ZNF142: variants seen among roughly 807,000 people sequenced by gnomAD.
ZNF142 encodes the protein zinc finger protein 142 (clone pHZ-49).
In ZNF142, 96 loss-of-function variants were observed where a neutral mutation model predicts 132.1. The observed-to-expected ratio is 0.73, with a 90% CI of 0.62 to 0.86. The LOEUF (loss-of-function observed/expected upper bound fraction) is 0.86, where lower values mean the gene tolerates loss of function less well. ZNF142 is among the 40% of genes least tolerant of loss of function. The pLI is 0.00. For synonymous variants in ZNF142, 842 were observed against 890.1 expected, an observed-to-expected ratio of 0.95 and a Z score of 0.96; for missense variants, 2,163 against 2,336.2, an observed-to-expected ratio of 0.93 and a Z score of 1.53.
chr2:218,656,421 G>A lies in ZNF142; in HGVS notation c.9C>T (p.Asp3=). 7.0e-7 allele frequency: 1 copy of A among 1,425,086 alleles called. No homozygotes were observed. Among genetic ancestry groups the A allele is most frequent in the Non-Finnish European group, 9.3e-7 (1 of 1,079,874 alleles). 88.3% of individuals were successfully genotyped at this position (1,425,086 alleles called of 1,614,324 possible). A position where few individuals can be genotyped will look rare whatever the true frequency, so the allele number is the denominator to read the frequency against. The change falls in exon 4 of 11, where the codon GAC becomes GAT. Residue 3 remains aspartate (D), a synonymous_variant. Coordinates refer to ENST00000411696, the MANE Select transcript of ZNF142 (RefSeq NM_001379659.1). ...TGGCTGGCTGTGAGTCCAAAAGGGG[G>A]TCTGTCATCACCACCGACTTGTGTG... MT[D]PLLDSQPASS...
chr2:218,658,120 A>T (rs1268374771), intron 3 of ZNF142, among the ~76,000 whole-genome samples: 1 of 152,266 alleles, frequency 6.6e-6, no homozygotes, highest in Non-Finnish European at 1.5e-5. Context: ...AATGAATGAC[A>T]ATTGAATTGC....
chr2:218,649,490 G>C, intron 6 of ZNF142, 31 bp from the exon 7 acceptor site: 1 of 1,505,460 alleles, frequency 6.6e-7, no homozygotes, highest in Non-Finnish European at 8.9e-7. Context: ...AGTTGAGAGA[G>C]TGAGATTTTT....
chr2:218,636,031 C>G lies in ZNF142; in HGVS notation c.*2308G>C. 6.4e-7 allele frequency: 1 copy of G among 1,551,498 alleles called. No homozygotes were observed. The highest frequency in any genetic ancestry group is 8.8e-7 in the Non-Finnish European group (1 of 1,135,942). On this transcript the variant is annotated 3_prime_UTR_variant, in exon 11 of 11. Transcript: ENST00000411696. ...GTATAGCATCTGTTATTGCATGTCC[C>G]CACATGGGAGGCAGTGTGGAACAGT... is the stretch of plus-strand genomic sequence containing the variant.
intron 9 of ZNF142, among the ~76,000 whole-genome samples, 192 bp downstream of exon 9, chr2:218,641,836 T>A (rs1193960779): frequency 6.6e-6 from 1 of 152,220 alleles, no homozygotes; most frequent in African/African-American, 2.4e-5. Context: ...ATTATGGAAC[T>A]TTATCTTTAC....
chr2:218,643,649 A>T lies in ZNF142; in HGVS notation c.3467T>A (p.Leu1156His), dbSNP rs3770213. 0.36 allele frequency: 550,382 copies of T among 1,548,072 alleles called. 104,466 individuals carry two copies. Among genetic ancestry groups the T allele is most frequent in the Non-Finnish European group, 0.39 (449,208 of 1,150,750 alleles). ...GACTGGGGAACCAGAGACTGTGGCA[A>T]GAGGCTCTTCTGTTTCTTCTGGCTC... is the stretch of plus-strand genomic sequence containing the variant. ...PREPEETEEPLATVSGSPVPP... is the reference protein window; with the variant it reads ...PREPEETEEPHATVSGSPVPP... Residue 1156 changes from leucine to histidine, a missense_variant, in exon 9 of 11, where the codon CTT (leucine) becomes CAT (histidine). This residue lies in a region of ZNF142 where 809 missense variants were observed against 801.7 expected (regional missense o/e 1.01). Coordinates refer to ENST00000411696, the MANE Select transcript of ZNF142 (RefSeq NM_001379659.1).
At chr2:218,656,518 C>T in intron 3 of ZNF142, 55 bp from the exon 4 acceptor site, 1 of 1,360,988 alleles carries the variant, frequency 7.3e-7, no homozygotes, top group South Asian at 2.1e-5. Flanking sequence ...TACTTTCTTC[C>T]TGGCTGGCGT....
chr2:218,635,923 A>G lies in ZNF142; in HGVS notation c.*2416T>C. On this transcript the variant is annotated 3_prime_UTR_variant, in exon 11 of 11. Transcript: ENST00000411696. The stretch of plus-strand genomic sequence containing the variant: ...GCACGGCAGGAGACCAACTATGTGG[A>G]GAACAATGGTGAGAAACTGGCAGTG... 1 of 1,614,040 alleles carries G rather than the reference A, an allele frequency of 6.2e-7. No individual in the cohort carries two copies. Among genetic ancestry groups the G allele is most frequent in the East Asian group, 2.2e-5 (1 of 44,886 alleles).
At position 218,635,638 on chromosome 2, in the gene ZNF142, G is replaced by A. The variant is rs1157907658; in HGVS notation, c.*2701C>T. 6.6e-6 allele frequency among the ~76,000 whole-genome samples: 1 copy of A among 152,108 alleles called. No homozygotes were observed. Among genetic ancestry groups the A allele is most frequent in the East Asian group, 1.9e-4 (1 of 5,184 alleles). On this transcript the variant is annotated 3_prime_UTR_variant, in exon 11 of 11. Coordinates refer to ENST00000411696, the MANE Select transcript of ZNF142 (RefSeq NM_001379659.1). ...GTGAGCCACCGTGCCCGGCCTTTGG[G>A]TGCATTTTAAATTGCAGATAGAATA...
In ZNF142 at chr2:218,648,663, C is replaced by T; in HGVS notation, c.1845G>A (p.Val615=). 1 of 1,614,034 alleles carries T rather than the reference C, an allele frequency of 6.2e-7. No homozygotes were observed. The highest frequency in any genetic ancestry group is 8.5e-7 in the Non-Finnish European group (1 of 1,179,862). ...ECNFATAHKR[V]LIRHMLLHTG... The stretch of plus-strand genomic sequence containing the variant: ...TATGTAGAAGCATGTGTCGGATGAG[C>T]ACCCTCTTGTGGGCAGTGGCAAAGT... Residue 615 remains valine, a synonymous_variant, in exon 7 of 11, where the codon GTG becomes GTA. Transcript: ENST00000411696.
In ZNF142 at chr2:218,643,240, A is replaced by G; in HGVS notation, c.3876T>C (p.Asp1292=). 1.1e-5 allele frequency: 17 copies of G among 1,614,200 alleles called. No homozygotes were observed. Among genetic ancestry groups the G allele is most frequent in the Non-Finnish European group, 1.4e-5 (17 of 1,180,038 alleles). Residue 1292 remains aspartate, a synonymous_variant, in exon 9 of 11, where the codon GAT becomes GAC. Coordinates refer to ENST00000411696, the MANE Select transcript of ZNF142 (RefSeq NM_001379659.1). ...GSTESSSGDG[D]TVLVQKQKGA... ...CCTTCTGCTTTTGAACCAGAACTGT[A>G]TCCCCATCACCAGAGCTGGACTCTG...
chr2:218,642,493 G>T lies in ZNF142; in HGVS notation c.4623C>A (p.Ala1541=), dbSNP rs1169889420. ...SRCGLLCPSP[A]SLRGHTRKQH... is the part of the protein sequence containing the mutation. ...GTTTACGGGTGTGTCCTCGTAAGCT[G>T]GCAGGGCTGGGGCACAGCAACCCAC... The change falls in exon 9 of 11, where the codon GCC becomes GCA. Residue 1541 remains alanine (A), a synonymous_variant. Coordinates refer to ENST00000411696, the MANE Select transcript of ZNF142 (RefSeq NM_001379659.1). The surrounding 1 kb of genome is among the most constrained non-coding windows in gnomAD (Gnocchi z 4.6). 2 of 1,607,690 alleles carry T rather than the reference G, an allele frequency of 1.2e-6. No homozygotes were observed. The highest frequency in any genetic ancestry group is 8.5e-7 in the Non-Finnish European group (1 of 1,176,190).
rs757648521 is a variant in ZNF142, at chr2:218,644,052, C to T, written c.3064G>A (p.Gly1022Arg). ...KEQAEALVLE[G>R]RVQMVVIQGE... ...TGGATCACTACCATCTGCACCCGCC[C>T]CTCTAGCACCAATGCCTCTGCTTGT... is the stretch of plus-strand genomic sequence containing the variant. Residue 1022 changes from glycine (G) to arginine (R), a missense_variant, in exon 9 of 11, where the codon GGG becomes AGG. Physicochemically the swap from Gly to Arg is moderately radical, Grantham distance 125 (BLOSUM62 -2). Coordinates refer to ENST00000411696, the MANE Select transcript of ZNF142 (RefSeq NM_001379659.1). This position sits in a 1 kb window ranked among gnomAD's most constrained non-coding sequence, Gnocchi z 4.6. 2 of 1,614,110 alleles carry T rather than the reference C, an allele frequency of 1.2e-6. No homozygotes were observed. The highest frequency in any genetic ancestry group is 1.1e-5 in the South Asian group (1 of 91,078).
intron 8 of ZNF142, among the ~76,000 whole-genome samples, chr2:218,645,763 T>G (rs574237632): frequency 6.6e-6 from 1 of 152,298 alleles, no homozygotes; most frequent in South Asian, 2.1e-4. Context: ...CTCTCTTTTT[T>G]CTTTCCTTTT....
Position 218,637,894 on chromosome 2 carries a change from G to C in ZNF142, c.*445C>G, listed in dbSNP as rs1199262352. The C allele has an allele frequency of 6.5e-6, 1 of 154,012 alleles. No homozygotes were observed. The highest frequency in any genetic ancestry group is 1.4e-5 in the Non-Finnish European group (1 of 69,364). 9.5% of individuals were successfully genotyped at this position (154,012 alleles called of 1,614,324 possible). ...GAAATGTTAAGACAGGGATTTGGAT[G>C]AATCTATAATGTAGTAACCACTTTC... On this transcript the variant is annotated 3_prime_UTR_variant, in exon 11 of 11. Coordinates refer to ENST00000411696, the MANE Select transcript of ZNF142 (RefSeq NM_001379659.1).
In ZNF142 at chr2:218,644,084, T is replaced by A; in HGVS notation, c.3032A>T (p.Asp1011Val). ...ESLLKALRRQ[D>V]KEQAEALVLE... ...CACCAATGCCTCTGCTTGTTCTTTG[T>A]CCTGTCTCCTTAGGGCCTTGAGTAA... Residue 1011 changes from aspartate to valine, a missense_variant, in exon 9 of 11, where the codon GAC becomes GTC. Asp to Val is a radical substitution (Grantham distance 152). Transcript: ENST00000411696. This position sits in a 1 kb window ranked among gnomAD's most constrained non-coding sequence, Gnocchi z 4.6. The A allele has an allele frequency of 3.1e-6, 5 of 1,614,064 alleles. No individual in the cohort carries two copies. In the South Asian group the frequency reaches 5.5e-5, roughly 18 times the overall value.
chr2:218,638,543 G>A lies in ZNF142; in HGVS notation c.5460C>T (p.Pro1820=). The change falls in exon 11 of 11, where the codon CCC becomes CCT. Residue 1820 remains proline, a synonymous_variant. Transcript: ENST00000411696. ...TGTAGTTGCAGAGGCGGCAAAAGAA[G>A]GGGTGGCGGTCGGTGTGGGTGAGGG... ...HHALTHTDRH[P]FFCRLCNYKA... 6.2e-7 allele frequency: 1 copy of A among 1,610,872 alleles called. No homozygotes were observed. Among genetic ancestry groups the A allele is most frequent in the Non-Finnish European group, 8.5e-7 (1 of 1,177,514 alleles).
intron 3 of ZNF142, 42 bp downstream of exon 3, chr2:218,658,659 C>T (rs1362797704): frequency 6.6e-6 from 1 of 152,230 alleles, no homozygotes; most frequent in East Asian, 1.9e-4. Context: ...AGTGCACTCC[C>T]GTGGTCAGAG....
intron 4 of ZNF142, among the ~76,000 whole-genome samples, chr2:218,653,556 CAA>C (rs1225919317): frequency 2.1e-5 from 3 of 143,002 alleles, no homozygotes; most frequent in Admixed American, 7.1e-5. Flanking sequence ...GCCTGGGTGA[CAA>C]GAGTGAAACT....
intron 10 of ZNF142, among the ~76,000 whole-genome samples, chr2:218,640,309 T>C (rs1697082126): frequency 6.6e-6 from 1 of 152,188 alleles, no homozygotes; most frequent in Non-Finnish European, 1.5e-5. Flanking sequence ...CTTTCTCCTT[T>C]TTAACTCATG....
Sources: gnomAD v4.1 joint callset for allele counts (sites outside exome capture counted in the v4.1 genomes callset) on GRCh38, gnomAD v4.1.1 for gene constraint, gnomAD v4.1.1 regional missense constraint, Gnocchi (gnomAD v3.1) non-coding constraint, MANE v1.5 for transcripts, NCBI Gene and HGNC (gene_info 2026-07-23, HGNC 2026-07-21) for gene names.